The following EPB41L2 variants were observed in gnomAD, a reference collection of about 807,000 sequenced individuals.
EPB41L2 encodes the protein erythrocyte membrane protein band 4.1 like 2.
In EPB41L2, 43 loss-of-function variants were observed where a neutral mutation model predicts 113.0. The observed-to-expected ratio is 0.38, with a 90% CI of 0.30 to 0.49. The LOEUF is 0.49. Among genes scored for constraint, EPB41L2 ranks in the 20% least tolerant of loss-of-function variants. The pLI, the probability that EPB41L2 is intolerant of heterozygous loss-of-function variation, is 0.95. For synonymous variants in EPB41L2, 442 were observed against 436.7 expected, an observed-to-expected ratio of 1.01 and a Z score of -0.15; for missense variants, 1,147 against 1,223.4, an observed-to-expected ratio of 0.94 and a Z score of 0.93.
At chr6:130,922,492 A>G (rs1232675658) in intron 4 of EPB41L2, among the ~76,000 whole-genome samples, 1 of 152,190 alleles carries the variant, frequency 6.6e-6, no homozygotes, top group East Asian at 1.9e-4. Context: ...AAAATCTAAA[A>G]TGTATTTTTT....
At chr6:130,977,773 C>A (rs9321263) in intron 1 of EPB41L2, among the ~76,000 whole-genome samples, 70,546 of 152,030 alleles carry the variant, frequency 0.46, 18,065 homozygotes, top group East Asian at 0.92. Context: ...ACACGTATAA[C>A]ATAAAAGTAG....
chr6:130,880,163 T>G lies in EPB41L2; in HGVS notation c.1877A>C (p.His626Pro). ...RVEGDNIYVR[H>P]SNLMLEELDK... ...ACAAACCTCCAACATTAAATTGCTATGTCTGACATAAATATTATCCCCTTC... is the reference window on the plus strand; with the variant it reads ...ACAAACCTCCAACATTAAATTGCTAGGTCTGACATAAATATTATCCCCTTC... The change falls in exon 13 of 20, where the codon CAT (histidine) becomes CCT (proline). Residue 626 changes from histidine to proline, a missense_variant. His to Pro is a moderately conservative substitution (Grantham distance 77). Coordinates refer to ENST00000337057, the MANE Select transcript of EPB41L2 (RefSeq NM_001431.4). 2 of 1,609,242 alleles carry G rather than the reference T, an allele frequency of 1.2e-6. No homozygotes were observed. Among genetic ancestry groups the G allele is most frequent in the Non-Finnish European group, 1.7e-6 (2 of 1,175,626 alleles).
intron 1 of EPB41L2, among the ~76,000 whole-genome samples, chr6:131,059,702 AT>A (rs1213640327): frequency 1.3e-5 from 2 of 152,214 alleles, no homozygotes; most frequent in African/African-American, 4.8e-5. Flanking sequence ...CTAAGAGTGG[AT>A]CTGCTGACTC....
Position 130,899,122 on chromosome 6 carries a change from C to A in EPB41L2, c.1236+369G>T, listed in dbSNP as rs901545173. On this transcript the variant is annotated intron_variant, in intron 8 of 19. Coordinates refer to ENST00000337057, the MANE Select transcript of EPB41L2 (RefSeq NM_001431.4). The stretch of plus-strand genomic sequence containing the variant: ...TTTTATGGTTGCTAAGGTCTTCTCT[C>A]CTCTCCCAAGACAGAGGTGGGAGAG... 3.9e-5 allele frequency among the ~76,000 whole-genome samples: 6 copies of A among 152,094 alleles called. No homozygotes were observed. In the East Asian group the frequency reaches 1.2e-3, roughly 29 times the overall value.
At chr6:131,037,177 G>T (rs1173983494) in intron 1 of EPB41L2, among the ~76,000 whole-genome samples, 1 of 152,072 alleles carries the variant, frequency 6.6e-6, no homozygotes, top group Non-Finnish European at 1.5e-5. Flanking sequence ...TTCATTTACC[G>T]GTTTTCATCA....
chr6:130,926,009 T>C (rs566064749), intron 4 of EPB41L2, among the ~76,000 whole-genome samples: 3 of 152,242 alleles, frequency 2.0e-5, no homozygotes, highest in Non-Finnish European at 4.4e-5. Flanking sequence ...GATAGCAATG[T>C]AGGCAAATAA....
intron 1 of EPB41L2, among the ~76,000 whole-genome samples, chr6:131,047,483 T>C (rs1276279266): frequency 6.6e-6 from 1 of 152,252 alleles, no homozygotes; most frequent in Non-Finnish European, 1.5e-5. Context: ...AATAATTACA[T>C]CTTAATTGAA....
At chr6:131,039,924 C>T (rs1187221706) in intron 1 of EPB41L2, among the ~76,000 whole-genome samples, 1 of 151,760 alleles carries the variant, frequency 6.6e-6, no homozygotes, top group Admixed American at 6.6e-5. Context: ...ATTTATCCTG[C>T]ATTTCAAATA....
At chr6:131,055,373 A>G (rs1797396725) in intron 1 of EPB41L2, among the ~76,000 whole-genome samples, 1 of 152,206 alleles carries the variant, frequency 6.6e-6, no homozygotes, top group Non-Finnish European at 1.5e-5. Context: ...AAATCAGGCT[A>G]GAAACATTAC....
intron 12 of EPB41L2, chr6:130,880,524 G>C: frequency 1.6e-6 from 1 of 622,440 alleles, no homozygotes; most frequent in Non-Finnish European, 2.8e-6. Context: ...CAGAAAGAAG[G>C]GGAGTATTAG....
chr6:130,910,425 T>G (rs1799010782), intron 4 of EPB41L2, among the ~76,000 whole-genome samples: 1 of 152,194 alleles, frequency 6.6e-6, no homozygotes, highest in Non-Finnish European at 1.5e-5. Context: ...ATAACAATCC[T>G]AGAAGAAAAC....
At chr6:130,974,717 C>CTTTTT (rs71030723) in intron 1 of EPB41L2, among the ~76,000 whole-genome samples, 5,174 of 64,626 alleles carry the variant, frequency 0.08, 479 homozygotes, top group Non-Finnish European at 0.1. Flanking sequence ...CTTTTCTTTT[C>CTTTTT]TTTTTTTTTT....
intron 5 of EPB41L2, 22 bp downstream of exon 5, chr6:130,908,799 G>T: frequency 1.3e-6 from 2 of 1,565,736 alleles, no homozygotes; most frequent in Non-Finnish European, 8.7e-7. Flanking sequence ...TAACTTCAAA[G>T]AATGATTATT....
chr6:130,863,518 G>T, intron 18 of EPB41L2, 120 bp downstream of exon 18: 1 of 658,754 alleles, frequency 1.5e-6, no homozygotes, highest in Non-Finnish European at 2.7e-6. Context: ...TGCTTAGGAG[G>T]TGGACTTCAT....
At chr6:130,881,400 C>CT (rs1400652664) in intron 12 of EPB41L2, 1 of 152,136 alleles carries the variant, frequency 6.6e-6, no homozygotes, top group Admixed American at 6.5e-5. Context: ...TAAGAAACAT[C>CT]TTCCAACTCC....
intron 1 of EPB41L2, among the ~76,000 whole-genome samples, chr6:131,017,867 T>C (rs896002174): frequency 4.6e-5 from 7 of 152,242 alleles, no homozygotes; most frequent in Non-Finnish European, 1.0e-4. Flanking sequence ...TTAACTTACA[T>C]TTGCCTAACT....
At chr6:131,061,893 T>G (rs929126325) in intron 1 of EPB41L2, among the ~76,000 whole-genome samples, 27 of 151,846 alleles carry the variant, frequency 1.8e-4, no homozygotes, top group Non-Finnish European at 3.5e-4. Flanking sequence ...TAAAACAGCT[T>G]AAATAACAGT....
At chr6:131,006,782 A>T (rs1311638419) in intron 1 of EPB41L2, among the ~76,000 whole-genome samples, 1 of 152,084 alleles carries the variant, frequency 6.6e-6, no homozygotes, top group South Asian at 2.1e-4. Flanking sequence ...CCCTAGACCT[A>T]TTACTCTACA....
chr6:130,863,614 A>C, intron 18 of EPB41L2, 24 bp downstream of exon 18: 2 of 1,556,690 alleles, frequency 1.3e-6, no homozygotes, highest in Non-Finnish European at 1.8e-6. Flanking sequence ...GGCCATTTCC[A>C]AAACTAGAAC....
Sources: gnomAD v4.1 joint callset for allele counts (sites outside exome capture counted in the v4.1 genomes callset) on GRCh38, gnomAD v4.1.1 for gene constraint, MANE v1.5 for transcripts, NCBI Gene and HGNC (gene_info 2026-07-23, HGNC 2026-07-21) for gene names.